Variants in PKNOX1 observed in about 807,000 individuals in gnomAD.
The protein encoded by PKNOX1 is homeobox protein PKNOX1.
In PKNOX1, 15 loss-of-function variants were observed where a neutral mutation model predicts 51.9. That is an observed-to-expected ratio of 0.29 (90% CI 0.19 to 0.45). The LOEUF is 0.45. Among genes scored for constraint, PKNOX1 ranks in the 20% least tolerant of loss-of-function variants. The pLI, the probability that PKNOX1 is intolerant of heterozygous loss-of-function variation, is 1.00. For synonymous variants in PKNOX1, 219 were observed against 211.1 expected (o/e 1.04, Z -0.32); for missense variants, 462 against 547.5 (o/e 0.84, Z 1.56).
At chr21:42,976,338 TACTTTG>T (rs1161559575) in intron 1 of PKNOX1, among the ~76,000 whole-genome samples, 1 of 152,260 alleles carries the variant, frequency 6.6e-6, no homozygotes, top group Non-Finnish European at 1.5e-5. Context: ...GCTTGTTTTA[TACTTTG>T]ACAATCTGGC....
In PKNOX1 at chr21:42,997,162, T is replaced by C. The variant is rs375415497; in HGVS notation, c.-56-7164T>C. Reference sequence around the variant, plus strand: ...TCCCAAAGAGCTGGAATTACAGGCATGAGCCATAACGCCTGGCCCCATATG... The same window carrying C: ...TCCCAAAGAGCTGGAATTACAGGCACGAGCCATAACGCCTGGCCCCATATG... On this transcript the variant is annotated intron_variant, in intron 1 of 10. Transcript: ENST00000291547. Among the ~76,000 whole-genome samples the C allele has an allele frequency of 5.3e-5, 8 of 152,352 alleles. No homozygotes were observed. The South Asian group carries it at 6.2e-4, about 12-fold the overall frequency.
intron 1 of PKNOX1, among the ~76,000 whole-genome samples, chr21:42,991,465 G>T (rs1351364561): frequency 3.3e-5 from 5 of 152,114 alleles, no homozygotes; most frequent in African/African-American, 1.2e-4. Flanking sequence ...GGTGGCTCAC[G>T]CCTGTAGTCC....
At chr21:43,027,796 G>A (rs999855325) in intron 9 of PKNOX1, among the ~76,000 whole-genome samples, 3 of 152,148 alleles carry the variant, frequency 2.0e-5, no homozygotes, top group Non-Finnish European at 2.9e-5. Flanking sequence ...GGCGCCTATA[G>A]TCCCACCTAC....
At position 43,007,621 on chromosome 21, in the gene PKNOX1, A is replaced by G; in HGVS notation, c.179+3A>G. The G allele has an allele frequency of 1.9e-6, 3 of 1,614,092 alleles. No individual in the cohort carries two copies. The highest frequency in any genetic ancestry group is 4.5e-5 in the East Asian group (2 of 44,880). Reference sequence around the variant, plus strand: ...GTGGACAAGCAGGCCATTTATAGGTAGTGCCCGGGGTGCCGGCTGTGGGGG... The same window carrying G: ...GTGGACAAGCAGGCCATTTATAGGTGGTGCCCGGGGTGCCGGCTGTGGGGG... On this transcript the variant is annotated splice_donor_region_variant and intron_variant, in intron 3 of 10. Transcript: ENST00000291547.
At chr21:43,010,723 G>A (rs998290291) in intron 4 of PKNOX1, among the ~76,000 whole-genome samples, 5 of 151,916 alleles carry the variant, frequency 3.3e-5, no homozygotes, top group South Asian at 2.1e-4. Context: ...AATTAGCCAG[G>A]CATGGTGGCA....
chr21:42,995,557 A>AGCCAG (rs1978463423), intron 1 of PKNOX1, among the ~76,000 whole-genome samples: 1 of 152,068 alleles, frequency 6.6e-6, no homozygotes, highest in Admixed American at 6.6e-5. Flanking sequence ...ATGTGCCTAT[A>AGCCAG]GTTCTAGCTA....
At chr21:43,014,108 G>A (rs1006480463) in intron 5 of PKNOX1, among the ~76,000 whole-genome samples, 5 of 138,574 alleles carry the variant, frequency 3.6e-5, no homozygotes, top group South Asian at 2.4e-4. Context: ...TGCAAACTCC[G>A]CCTCCTGGGT....
chr21:42,989,028 A>C (rs2059071902), intron 1 of PKNOX1, among the ~76,000 whole-genome samples: 1 of 151,414 alleles, frequency 6.6e-6, no homozygotes, highest in African/African-American at 2.4e-5. Context: ...GGACCCCCTC[A>C]CTGGTCTTTG....
At chr21:42,990,166 G>A (rs1161041053) in intron 1 of PKNOX1, among the ~76,000 whole-genome samples, 2 of 152,052 alleles carry the variant, frequency 1.3e-5, no homozygotes, top group East Asian at 3.8e-4. Flanking sequence ...GGTGGCTGAG[G>A]CAGGAGAATT....
intron 1 of PKNOX1, among the ~76,000 whole-genome samples, chr21:43,003,222 C>G (rs1568895430): frequency 6.6e-6 from 1 of 152,224 alleles, no homozygotes; most frequent in South Asian, 2.1e-4. Context: ...CTCTAAATGT[C>G]TGTGACCTGC....
chr21:43,026,129 C>T (rs186097792), intron 9 of PKNOX1, among the ~76,000 whole-genome samples: 4 of 152,236 alleles, frequency 2.6e-5, no homozygotes, highest in African/African-American at 7.2e-5. Flanking sequence ...GGGAGGGATG[C>T]GTCTCTGGAT....
At chr21:43,016,292 G>A (rs756780480) in intron 5 of PKNOX1, among the ~76,000 whole-genome samples, 1 of 152,206 alleles carries the variant, frequency 6.6e-6, no homozygotes, top group Non-Finnish European at 1.5e-5. Context: ...TCCTCCATGG[G>A]GCATGTAGAA....
chr21:42,992,491 T>C (rs996404499), intron 1 of PKNOX1, among the ~76,000 whole-genome samples: 4 of 152,176 alleles, frequency 2.6e-5, no homozygotes, highest in African/African-American at 9.7e-5. Flanking sequence ...GGACAAATTC[T>C]GTGGACCAGG....
chr21:42,992,840 C>T (rs1299116609), intron 1 of PKNOX1, among the ~76,000 whole-genome samples: 2 of 143,100 alleles, frequency 1.4e-5, no homozygotes, highest in Non-Finnish European at 3.1e-5. Flanking sequence ...GGGCCTTCCT[C>T]ACGGTATCGG....
chr21:42,987,404 A>AAAATATATATATATATAT, intron 1 of PKNOX1, among the ~76,000 whole-genome samples: 21 of 41,408 alleles, frequency 5.1e-4, no homozygotes, highest in Non-Finnish European at 8.6e-4. Context: ...AAAAAAAAAA[A>AAAATATATATATATATAT]ATATATATAT....
chr21:42,995,247 T>G (rs1978447854), intron 1 of PKNOX1, among the ~76,000 whole-genome samples: 1 of 152,148 alleles, frequency 6.6e-6, no homozygotes, highest in African/African-American at 2.4e-5. Flanking sequence ...TGCCAGTTTC[T>G]TTATAGAGTG....
intron 1 of PKNOX1, among the ~76,000 whole-genome samples, chr21:43,000,947 A>G (rs2146257147): frequency 6.6e-6 from 1 of 152,338 alleles, no homozygotes; most frequent in South Asian, 2.1e-4. Context: ...AGAGGCTCAT[A>G]CAACCAGGTA....
chr21:42,981,004 G>A (rs1186164065), intron 1 of PKNOX1, among the ~76,000 whole-genome samples: 1 of 152,186 alleles, frequency 6.6e-6, no homozygotes, highest in Admixed American at 6.6e-5. Flanking sequence ...AAGAGACAAG[G>A]AAATAAAAAC....
At chr21:43,020,305 G>C (rs1354464768) in intron 7 of PKNOX1, 1 of 152,294 alleles carries the variant, frequency 6.6e-6, no homozygotes, top group South Asian at 2.1e-4. Flanking sequence ...GAGCGATTTT[G>C]CTTCCTTCCT....
Sources: gnomAD v4.1 joint callset for allele counts (sites outside exome capture counted in the v4.1 genomes callset) on GRCh38, gnomAD v4.1.1 for gene constraint, MANE v1.5 for transcripts, NCBI Gene and HGNC (gene_info 2026-07-23, HGNC 2026-07-21) for gene names.